The following MCM10 variants were observed in gnomAD, a reference collection of about 807,000 sequenced individuals.
MCM10 encodes minichromosome maintenance 10 replication initiation factor.
Under a neutral mutation model 109.9 loss-of-function variants are expected in MCM10, and 91 were observed. That is an observed-to-expected ratio of 0.83 (90% CI 0.70 to 0.99). The LOEUF (loss-of-function observed/expected upper bound fraction) is 0.99. Ranked by LOEUF, MCM10 falls within the 50% of genes least tolerant of loss-of-function variation. The pLI is 0.00. For synonymous variants in MCM10, 380 were observed against 387.2 expected (o/e 0.98, Z 0.22); for missense variants, 1,077 against 1,061.2 (o/e 1.01, Z -0.21).
intron 13 of MCM10, among the ~76,000 whole-genome samples, chr10:13,194,794 T>C (rs1371715465): frequency 1.3e-5 from 2 of 152,194 alleles, no homozygotes; most frequent in African/African-American, 4.8e-5. Context: ...TAAAAACAGT[T>C]ATCAGTTCTA....
At chr10:13,165,768 A>G (rs1217184872) in intron 2 of MCM10, among the ~76,000 whole-genome samples, 180 of 150,892 alleles carry the variant, frequency 1.2e-3, no homozygotes, top group African/African-American at 4.3e-3. Context: ...CCAGCTACTC[A>G]GGAGGCTGAG....
At chr10:13,178,346 C>T (rs1262050135) in intron 6 of MCM10, among the ~76,000 whole-genome samples, 2 of 152,238 alleles carry the variant, frequency 1.3e-5, no homozygotes, top group East Asian at 1.9e-4. Context: ...GCCTCGGCCT[C>T]CCAAAGTGCT....
intron 18 of MCM10, among the ~76,000 whole-genome samples, chr10:13,205,191 GC>G (rs909358977): frequency 3.3e-5 from 5 of 151,574 alleles, no homozygotes; most frequent in Non-Finnish European, 7.4e-5. Context: ...CTCCTCCCTC[GC>G]CCCCTCCCAC....
In MCM10 at chr10:13,201,456, A is replaced by T. The variant is rs144911208; in HGVS notation, c.2274A>T (p.Pro758=). The T allele has an allele frequency of 9.2e-5, 149 of 1,613,342 alleles. No individual in the cohort carries two copies. In the African/African-American group the frequency reaches 1.8e-3, roughly 20 times the overall value. ...EAEMQERYFE[P]LVKKEQMEEK... ...AGATGCAGGAGCGCTACTTTGAGCC[A>T]CTGGTGAAAAAAGAACAAATGGAAG... is the stretch of plus-strand genomic sequence containing the variant. Residue 758 remains proline (P), a synonymous_variant, in exon 17 of 20, where the codon CCA becomes CCT. Coordinates refer to ENST00000378714, the MANE Select transcript of MCM10 (RefSeq NM_018518.5).
intron 10 of MCM10, among the ~76,000 whole-genome samples, chr10:13,190,791 CCT>C (rs1834337689): frequency 6.9e-6 from 1 of 145,288 alleles, no homozygotes; most frequent in South Asian, 2.4e-4. Flanking sequence ...TCATATTGTT[CCT>C]ATTCTTTGTA....
In MCM10 at chr10:13,195,101, C is replaced by T. The variant is rs145055712; in HGVS notation, c.1806C>T (p.Pro602=). The T allele has an allele frequency of 3.4e-3, 5,543 of 1,614,082 alleles. 18 individuals carry two copies. The highest frequency in any genetic ancestry group is 4.3e-3 in the Non-Finnish European group (5,082 of 1,180,018). The change falls in exon 14 of 20, where the codon CCC becomes CCT. Residue 602 remains proline (P), a synonymous_variant. Transcript: ENST00000378714. ...CTGTGCCATCTTCATCAAGACAGCC[C>T]CCTGCTCAGCCTCCACGGACAGGAT... The part of the protein sequence containing the change: ...SPAVPSSSRQ[P]PAQPPRTGSE...
intron 2 of MCM10, among the ~76,000 whole-genome samples, chr10:13,167,261 T>C (rs890233960): frequency 1.1e-4 from 17 of 152,080 alleles, no homozygotes; most frequent in African/African-American, 3.9e-4. Flanking sequence ...TGAACATGGA[T>C]CCACAGGGAG....
At chr10:13,201,633 C>T (rs1265672101) in intron 17 of MCM10, 99 bp downstream of exon 17, 11 of 848,996 alleles carry the variant, frequency 1.3e-5, no homozygotes, top group East Asian at 5.3e-5. Flanking sequence ...GGCCCTATCT[C>T]GTGATGTGTC....
chr10:13,204,191 G>A (rs755912200), intron 17 of MCM10, 28 bp from the exon 18 acceptor site: 16 of 1,605,284 alleles, frequency 1.0e-5, no homozygotes, highest in East Asian at 9.0e-5. Context: ...CTTCACCGGC[G>A]GTGTGGGTTT....
Position 13,172,196 on chromosome 10 carries a change from A to G in MCM10, c.350-180A>G, listed in dbSNP as rs564308628. Reference sequence around the variant, plus strand: ...TTCGTTTACTTTAAATAAAATATGTATTTCTCTAAGAGACCTCTTTGAAGT... The same window carrying G: ...TTCGTTTACTTTAAATAAAATATGTGTTTCTCTAAGAGACCTCTTTGAAGT... On this transcript the variant is annotated intron_variant, in intron 3 of 19. Coordinates refer to ENST00000378714, the MANE Select transcript of MCM10 (RefSeq NM_018518.5). The surrounding 1 kb of genome is among the most constrained non-coding windows in gnomAD (Gnocchi z 5.2). 2.0e-5 allele frequency among the ~76,000 whole-genome samples: 3 copies of G among 152,276 alleles called. No individual in the cohort carries two copies. In the South Asian group the frequency reaches 6.2e-4, roughly 32 times the overall value.
chr10:13,187,141 C>T (rs1382785181), intron 9 of MCM10, among the ~76,000 whole-genome samples: 2 of 152,208 alleles, frequency 1.3e-5, no homozygotes, highest in Non-Finnish European at 1.5e-5. Context: ...TCCCCAGTCT[C>T]CTCTCCCCCA....
rs1834543474 is a variant in MCM10 at position 13,204,482 on chromosome 10, C to T, written c.2498+118C>T. On this transcript the variant is annotated intron_variant, in intron 18 of 19. Transcript: ENST00000378714. ...ATCATTCCATGCCTTCCTATAGCTC[C>T]AGGCTACCCTTGGGACTCAAGCTGT... The T allele has an allele frequency of 1.7e-5, 22 of 1,298,252 alleles. 1 individual carries two copies. In the South Asian group the frequency reaches 3.1e-4, roughly 18 times the overall value. 80.4% of individuals were successfully genotyped at this position (1,298,252 alleles called of 1,614,324 possible).
intron 10 of MCM10, among the ~76,000 whole-genome samples, chr10:13,189,618 C>T (rs1215810442): frequency 3.9e-5 from 6 of 152,160 alleles, no homozygotes; most frequent in Admixed American, 6.5e-5. Context: ...CCACTGCTCC[C>T]AGCCCCTCTT....
chr10:13,172,003 G>A lies in MCM10; in HGVS notation c.350-373G>A, dbSNP rs1380017603. Among the ~76,000 whole-genome samples the A allele has an allele frequency of 6.6e-6, 1 of 151,720 alleles. No homozygotes were observed. The highest frequency in any genetic ancestry group is 1.5e-5 in the Non-Finnish European group (1 of 67,960). ...TTGCCCATGCTGGTCTCGAACTGCT[G>A]GGCTCTTGCGTCCTCCTGCCTCAGC... On this transcript the variant is annotated intron_variant, in intron 3 of 19. Transcript: ENST00000378714. This position sits in a 1 kb window ranked among gnomAD's most constrained non-coding sequence, Gnocchi z 5.2.
chr10:13,202,765 T>A (rs748723539), intron 17 of MCM10, among the ~76,000 whole-genome samples: 32 of 152,228 alleles, frequency 2.1e-4, no homozygotes, highest in Non-Finnish European at 4.6e-4. Context: ...TTAGTGGGTT[T>A]GTCTCCTGTT....
intron 10 of MCM10, among the ~76,000 whole-genome samples, chr10:13,189,394 C>T (rs1261290574): frequency 6.6e-6 from 1 of 151,800 alleles, no homozygotes; most frequent in African/African-American, 2.4e-5. Context: ...GCAGTCTCAG[C>T]TCACTGCAAC....
intron 16 of MCM10, among the ~76,000 whole-genome samples, chr10:13,200,013 G>A (rs181777187): frequency 6.6e-6 from 1 of 151,928 alleles, no homozygotes; most frequent in Non-Finnish European, 1.5e-5. Context: ...TTGAGACAAG[G>A]TCTTTTTCTG....
At chr10:13,178,890 G>A (rs1366928360) in intron 6 of MCM10, among the ~76,000 whole-genome samples, 2 of 152,126 alleles carry the variant, frequency 1.3e-5, no homozygotes, top group African/African-American at 4.8e-5. Flanking sequence ...TTGCATCAAT[G>A]TCTTTTAGTT....
intron 18 of MCM10, 34 bp downstream of exon 18, chr10:13,204,398 T>C (rs1834542073): frequency 6.2e-7 from 1 of 1,609,712 alleles, no homozygotes; most frequent in Non-Finnish European, 8.5e-7. Context: ...TTGTCCCACG[T>C]GGGGATTTTC....
Sources: gnomAD v4.1 joint callset for allele counts (sites outside exome capture counted in the v4.1 genomes callset) on GRCh38, gnomAD v4.1.1 for gene constraint, Gnocchi (gnomAD v3.1) non-coding constraint, MANE v1.5 for transcripts, NCBI Gene and HGNC (gene_info 2026-07-23, HGNC 2026-07-21) for gene names.